Variants in RAD17 observed in about 807,000 individuals in gnomAD.
RAD17 encodes RAD17 checkpoint clamp loader component.
Under a neutral mutation model 81.5 loss-of-function variants are expected in RAD17, and 31 were observed. The observed-to-expected ratio is 0.38, with a 90% CI of 0.29 to 0.51. The LOEUF (loss-of-function observed/expected upper bound fraction) is 0.51. RAD17 is among the 20% of genes least tolerant of loss of function. The pLI, the probability that RAD17 is intolerant of heterozygous loss-of-function variation, is 0.88. For missense variants in RAD17, 681 were observed against 781.2 expected (o/e 0.87, Z 1.53); for synonymous variants, 261 against 266.2 (o/e 0.98, Z 0.19).
intron 12 of RAD17, 30 bp from the exon 13 acceptor site, chr5:69,391,799 TAA>T: frequency 7.5e-7 from 1 of 1,340,238 alleles, no homozygotes; most frequent in Non-Finnish European, 9.9e-7. Flanking sequence ...TATTTTAATT[TAA>T]ATATTGTCAC....
rs73113091 is a variant in RAD17, at chr5:69,412,452, T to C, written c.1752-1579T>C. Among the ~76,000 whole-genome samples, 575 of 152,306 alleles carry C rather than the reference T, an allele frequency of 3.8e-3. 2 individuals are homozygous for C. The highest frequency in any genetic ancestry group is 0.013 in the African/African-American group (534 of 41,562). On this transcript the variant is annotated intron_variant, in intron 18 of 18. Transcript: ENST00000354868. ...GCCCATTTAGCTTTTTTTCAGCTTT[T>C]ACTATCCCAGCCTTATAGATAAGTC...
chr5:69,410,977 A>G (rs901557312), intron 18 of RAD17, among the ~76,000 whole-genome samples: 9 of 142,524 alleles, frequency 6.3e-5, no homozygotes, highest in African/African-American at 2.0e-4. Context: ...ATATATATAT[A>G]TATATATATA....
At chr5:69,393,650 T>C in intron 15 of RAD17, 150 bp downstream of exon 15, 1 of 693,446 alleles carries the variant, frequency 1.4e-6, no homozygotes. Flanking sequence ...ACTCAGTGTT[T>C]ATAATGAAGC....
At chr5:69,405,791 C>G (rs113516461) in intron 17 of RAD17, among the ~76,000 whole-genome samples, 8 of 152,062 alleles carry the variant, frequency 5.3e-5, no homozygotes, top group Non-Finnish European at 1.2e-4. Flanking sequence ...CCTGTAATCC[C>G]AGCACTTTGG....
At chr5:69,394,013 C>T (rs1316018811) in intron 15 of RAD17, among the ~76,000 whole-genome samples, 7 of 146,696 alleles carry the variant, frequency 4.8e-5, no homozygotes, top group Admixed American at 1.4e-4. Flanking sequence ...TCTCTGCCTT[C>T]GAAGTAGCTA....
chr5:69,379,818 T>C lies in RAD17; in HGVS notation c.352-2083T>C, dbSNP rs990475049. ...ACACGTAAGGAGCTGTCATCTCTTA[T>C]GACAACAGTGCCTTCTTCTGCAGTA... On this transcript the variant is annotated intron_variant, in intron 6 of 18. Transcript: ENST00000354868. Among the ~76,000 whole-genome samples, 3 of 152,174 alleles carry C rather than the reference T, an allele frequency of 2.0e-5. No individual in the cohort carries two copies. In the Middle Eastern group the frequency reaches 0.01, roughly 518 times the overall value.
chr5:69,378,585 A>G (rs1054644509), intron 6 of RAD17, among the ~76,000 whole-genome samples: 2 of 152,190 alleles, frequency 1.3e-5, no homozygotes, highest in Admixed American at 6.5e-5. Flanking sequence ...CAAATACTGA[A>G]CCATTATTCT....
chr5:69,393,194 C>T lies in RAD17; in HGVS notation c.1229C>T (p.Ser410Phe). ...LTELDSPRLP[S>F]HLSEYERDTL... ...GAATTAGACTCACCTCGGTTGCCCT[C>T]TCATTTATCAGAATATGAACGGGAT... Residue 410 changes from serine (S) to phenylalanine (F), a missense_variant, in exon 14 of 19, where the codon TCT becomes TTT. By Grantham distance (155) the Ser-to-Phe change is radical. Coordinates refer to ENST00000354868, the MANE Select transcript of RAD17 (RefSeq NM_133338.3). 6.2e-7 allele frequency: 1 copy of T among 1,612,052 alleles called. No individual in the cohort carries two copies. The highest frequency in any genetic ancestry group is 1.3e-5 in the African/African-American group (1 of 74,954).
chr5:69,410,481 A>T lies in RAD17; in HGVS notation c.1694-12A>T, dbSNP rs777378995. 1 of 1,608,550 alleles carries T rather than the reference A, an allele frequency of 6.2e-7. No homozygotes were observed. The highest frequency in any genetic ancestry group is 8.5e-7 in the Non-Finnish European group (1 of 1,176,776). On this transcript the variant is annotated splice_polypyrimidine_tract_variant and intron_variant, in intron 17 of 18. Coordinates refer to ENST00000354868, the MANE Select transcript of RAD17 (RefSeq NM_133338.3). ...GGAAAATTGTTTACAACTTTTAAAA[A>T]ATCTGTTTCAGCTCAGATTTCTTTT...
intron 6 of RAD17, among the ~76,000 whole-genome samples, chr5:69,378,070 C>G (rs1763625752): frequency 1.3e-5 from 2 of 152,212 alleles, no homozygotes; most frequent in East Asian, 1.9e-4. Flanking sequence ...GTGTCAGAAT[C>G]AATAGGCATG....
Position 69,414,028 on chromosome 5 carries a change from C to T in RAD17, c.1752-3C>T. ...ATTAATGCCTGCACTGTGAATCTGA[C>T]AGATTGAAAATGGAAGCCCTGACTG... On this transcript the variant is annotated splice_region_variant and splice_polypyrimidine_tract_variant and intron_variant, in intron 18 of 18. Transcript: ENST00000354868. The T allele has an allele frequency of 6.2e-7, 1 of 1,613,860 alleles. No homozygotes were observed. The highest frequency in any genetic ancestry group is 2.2e-5 in the East Asian group (1 of 44,884).
Position 69,386,170 on chromosome 5 carries a change from G to T in RAD17, c.699-10G>T, listed in dbSNP as rs772596929. On this transcript the variant is annotated splice_polypyrimidine_tract_variant and intron_variant, in intron 9 of 18. Coordinates refer to ENST00000354868, the MANE Select transcript of RAD17 (RefSeq NM_133338.3). ...TTAAATTTCAACATTGCTGTATTTTGTTATTTTAGGAAGTATGTGAGGATT... is the reference window on the plus strand; with the variant it reads ...TTAAATTTCAACATTGCTGTATTTTTTTATTTTAGGAAGTATGTGAGGATT... 1 of 1,600,732 alleles carries T rather than the reference G, an allele frequency of 6.2e-7. No homozygotes were observed.
At chr5:69,389,236 T>C in intron 12 of RAD17, 91 bp downstream of exon 12, 2 of 767,016 alleles carry the variant, frequency 2.6e-6, no homozygotes, top group Non-Finnish European at 4.0e-6. Flanking sequence ...TAACTTACAT[T>C]TGGTCTATAC....
At chr5:69,410,965 C>CTATA (rs1554044686) in intron 18 of RAD17, among the ~76,000 whole-genome samples, 16,012 of 89,834 alleles carry the variant, frequency 0.18, 1,655 homozygotes, top group Admixed American at 0.23. Flanking sequence ...AGATGTCTGT[C>CTATA]TATATATATA....
At chr5:69,392,106 T>C in intron 13 of RAD17, 93 bp downstream of exon 13, 1 of 1,160,142 alleles carries the variant, frequency 8.6e-7, no homozygotes, top group Non-Finnish European at 1.2e-6. Context: ...TCATGTATTT[T>C]GGTTCTGCTC....
At chr5:69,395,633 A>G (rs1764835951) in intron 15 of RAD17, among the ~76,000 whole-genome samples, 1 of 152,216 alleles carries the variant, frequency 6.6e-6, no homozygotes, top group South Asian at 2.1e-4. Flanking sequence ...GTATGCTGGT[A>G]TCAAAATGAC....
intron 7 of RAD17, among the ~76,000 whole-genome samples, chr5:69,383,888 A>G (rs1764008941): frequency 6.6e-6 from 1 of 152,206 alleles, no homozygotes; most frequent in South Asian, 2.1e-4. Context: ...CTTCAATATG[A>G]AACATGCCTT....
Position 69,396,452 on chromosome 5 carries a change from A to G in RAD17, c.1478A>G (p.His493Arg), listed in dbSNP as rs1764894955. The change falls in exon 16 of 19, where the codon CAT becomes CGT. Residue 493 changes from histidine (H) to arginine (R), a missense_variant. Physicochemically the swap from His to Arg is conservative, Grantham distance 29. Coordinates refer to ENST00000354868, the MANE Select transcript of RAD17 (RefSeq NM_133338.3). The stretch of plus-strand genomic sequence containing the variant: ...TCTATAGCTACGAGAGGTGTGATGC[A>G]TTCCAACAAAGCCCGAGGATATGCT... Reference protein sequence around the residue: ...STSIATRGVMHSNKARGYAHC... With the variant: ...STSIATRGVMRSNKARGYAHC... 6.2e-7 allele frequency: 1 copy of G among 1,613,656 alleles called. No homozygotes were observed. The highest frequency in any genetic ancestry group is 8.5e-7 in the Non-Finnish European group (1 of 1,179,844).
In RAD17 at chr5:69,410,971, A is replaced by G. The variant is rs1470371013; in HGVS notation, c.1751+421A>G. Among the ~76,000 whole-genome samples, 35 of 140,440 alleles carry G rather than the reference A, an allele frequency of 2.5e-4. No homozygotes were observed. In the South Asian group the frequency reaches 3.0e-3, roughly 12 times the overall value. 92.1% of individuals were successfully genotyped at this position (140,440 alleles called of 152,430 possible). ...GCAAAAAATAGATGTCTGTCTATATATATATATATATATATATATATATAT... is the reference window on the plus strand; with the variant it reads ...GCAAAAAATAGATGTCTGTCTATATGTATATATATATATATATATATATAT... On this transcript the variant is annotated intron_variant, in intron 18 of 18. Coordinates refer to ENST00000354868, the MANE Select transcript of RAD17 (RefSeq NM_133338.3).
Sources: gnomAD v4.1 joint callset for allele counts (sites outside exome capture counted in the v4.1 genomes callset) on GRCh38, gnomAD v4.1.1 for gene constraint, MANE v1.5 for transcripts, NCBI Gene and HGNC (gene_info 2026-07-23, HGNC 2026-07-21) for gene names.